PLXNA4: variants seen among roughly 807,000 people sequenced by gnomAD.
PLXNA4 encodes the protein plexin A4, also known as plexin-A4.
In PLXNA4, 44 loss-of-function variants were observed where a neutral mutation model predicts 191.8. That is an observed-to-expected ratio of 0.23 (90% CI 0.18 to 0.29). The LOEUF is 0.29. Among genes scored for constraint, PLXNA4 ranks in the 10% least tolerant of loss-of-function variants. PLXNA4 has a pLI of 1.00. For synonymous variants in PLXNA4, 1,082 were observed against 1,009.5 expected (o/e 1.07, Z -1.36); for missense variants, 1,800 against 2,488.8 (o/e 0.72, Z 5.89).
intron 1 of PLXNA4, among the ~76,000 whole-genome samples, chr7:132,564,742 T>A (rs757829207): frequency 5.9e-5 from 9 of 152,234 alleles, no homozygotes; most frequent in Non-Finnish European, 1.2e-4. Flanking sequence ...TATGCAAATA[T>A]ATGTGCATGG....
chr7:132,174,874 C>T lies in PLXNA4; in HGVS notation c.3921G>A (p.Leu1307=), dbSNP rs1225817656. The change falls in exon 21 of 32, where the codon CTG becomes CTA. Residue 1307 remains leucine (L), a synonymous_variant. Transcript: ENST00000321063. ...CCAGGAACGGAATCCCGGCTCCATC[C>T]AGGTCACTGGTCAGCTCATGGATGT... The part of the protein sequence containing the change: ...QTDIHELTSD[L]DGAGIPFLDY... 1 of 1,614,202 alleles carries T rather than the reference C, an allele frequency of 6.2e-7. No individual in the cohort carries two copies. The highest frequency in any genetic ancestry group is 1.7e-5 in the Admixed American group (1 of 60,026).
chr7:132,555,058 A>AAAAAAAAAAAACC (rs1310557370), intron 1 of PLXNA4, among the ~76,000 whole-genome samples: 1 of 146,254 alleles, frequency 6.8e-6, no homozygotes, highest in Non-Finnish European at 1.5e-5. Context: ...AAAAAAAAAC[A>AAAAAAAAAAAACC]AAAAAAAAAC....
chr7:132,563,817 T>TCTC (rs1336526975), intron 1 of PLXNA4, among the ~76,000 whole-genome samples: 1 of 28,418 alleles, frequency 3.5e-5, no homozygotes, highest in Non-Finnish European at 6.8e-5. Context: ...TCCTCCTCCT[T>TCTC]CTCCTCCTCC....
intron 1 of PLXNA4, among the ~76,000 whole-genome samples, chr7:132,525,631 G>A (rs1378455961): frequency 6.6e-6 from 1 of 152,184 alleles, no homozygotes; most frequent in African/African-American, 2.4e-5. Flanking sequence ...GGACACAGGT[G>A]AGAAAGGGAA....
intron 20 of PLXNA4, among the ~76,000 whole-genome samples, chr7:132,178,843 TATACACAC>T (rs1248589366): frequency 3.1e-4 from 13 of 42,536 alleles, no homozygotes; most frequent in Admixed American, 7.1e-4. Context: ...CATACACATA[TATACACAC>T]ACACACACAC....
rs535401958 is a variant in PLXNA4 at position 132,258,256 on chromosome 7, C to T, written c.1504-17090G>A. On this transcript the variant is annotated intron_variant, in intron 4 of 31. Transcript: ENST00000321063. ...AAATAGCTGCTGTGTCGACGAAAGG[C>T]GGCCGGGGGCTGAGCAAAGGGTGGC... Among the ~76,000 whole-genome samples the T allele has an allele frequency of 5.9e-5, 9 of 152,314 alleles. No individual in the cohort carries two copies. The South Asian group carries it at 8.3e-4, about 14-fold the overall frequency.
At chr7:132,512,223 T>C (rs1159052716) in intron 1 of PLXNA4, among the ~76,000 whole-genome samples, 1 of 152,242 alleles carries the variant, frequency 6.6e-6, no homozygotes. Context: ...ACAGTCTCTG[T>C]ATCACAACCT....
Position 132,556,306 on chromosome 7 carries a change from C to T in PLXNA4, c.-87+20116G>A, listed in dbSNP as rs191550051. On this transcript the variant is annotated intron_variant, in intron 1 of 31. Coordinates refer to ENST00000321063, the MANE Select transcript of PLXNA4 (RefSeq NM_020911.2). Reference sequence around the variant, plus strand: ...GTCCACCTGCAGGGTTGAGGTGACCCGCTATATCAGCAAACCTTGATACCC... The same window carrying T: ...GTCCACCTGCAGGGTTGAGGTGACCTGCTATATCAGCAAACCTTGATACCC... 4.7e-3 allele frequency among the ~76,000 whole-genome samples: 713 copies of T among 152,288 alleles called. 2 individuals are homozygous for T. Among genetic ancestry groups the T allele is most frequent in the Middle Eastern group, 0.027 (8 of 294 alleles).
At chr7:132,416,125 A>AT (rs1432931512) in intron 3 of PLXNA4, among the ~76,000 whole-genome samples, 13 of 152,196 alleles carry the variant, frequency 8.5e-5, no homozygotes, top group Non-Finnish European at 8.8e-5. Flanking sequence ...GAATATTGCC[A>AT]TTTTTACTGA....
chr7:132,271,337 T>G (rs1476667725), intron 4 of PLXNA4: 1 of 151,758 alleles, frequency 6.6e-6, no homozygotes, highest in Non-Finnish European at 1.5e-5. Flanking sequence ...TTCATCTGGA[T>G]GTCTAAAAAC....
chr7:132,609,299 G>A (rs751213171), intron 2 of PLXNA4, among the ~76,000 whole-genome samples: 9 of 152,062 alleles, frequency 5.9e-5, no homozygotes, highest in African/African-American at 1.7e-4. Flanking sequence ...AGTGGTCAGC[G>A]ACAAACTGTT....
intron 1 of PLXNA4, among the ~76,000 whole-genome samples, chr7:132,573,449 A>G (rs1266122180): frequency 1.3e-5 from 2 of 152,164 alleles, no homozygotes; most frequent in Non-Finnish European, 2.9e-5. Flanking sequence ...GATGATAACT[A>G]TGAATCAAGA....
chr7:132,130,662 C>T, intron 31 of PLXNA4, 88 bp from the exon 32 acceptor site: 1 of 1,587,188 alleles, frequency 6.3e-7, no homozygotes, highest in Non-Finnish European at 8.6e-7. Flanking sequence ...TGGATGTGGT[C>T]AGAAGCCCGG....
chr7:132,443,073 G>A (rs1795755095), intron 3 of PLXNA4, among the ~76,000 whole-genome samples: 1 of 152,202 alleles, frequency 6.6e-6, no homozygotes, highest in African/African-American at 2.4e-5. Context: ...TGAGATCATG[G>A]TACAGCCATG....
chr7:132,208,093 C>T (rs886654772), intron 10 of PLXNA4, among the ~76,000 whole-genome samples: 1 of 152,132 alleles, frequency 6.6e-6, no homozygotes, highest in African/African-American at 2.4e-5. Flanking sequence ...GGTGGGTTGC[C>T]CCGATCATGA....
chr7:132,155,226 A>T (rs1184692325), intron 25 of PLXNA4, among the ~76,000 whole-genome samples: 1 of 152,188 alleles, frequency 6.6e-6, no homozygotes, highest in Non-Finnish European at 1.5e-5. Flanking sequence ...TGGGTCGCAG[A>T]GGAGACTGCG....
intron 24 of PLXNA4, among the ~76,000 whole-genome samples, chr7:132,163,481 C>A (rs1301643101): frequency 6.6e-6 from 1 of 152,186 alleles, no homozygotes; most frequent in Non-Finnish European, 1.5e-5. Flanking sequence ...CCCCAATTCA[C>A]CCTGTTGGTC....
chr7:132,148,714 G>C, intron 25 of PLXNA4, 68 bp from the exon 26 acceptor site: 5 of 1,605,844 alleles, frequency 3.1e-6, no homozygotes, highest in South Asian at 1.1e-5. Context: ...TGAGGACCCT[G>C]TGTAGGTACC....
At chr7:132,437,526 C>T (rs1019856323) in intron 3 of PLXNA4, among the ~76,000 whole-genome samples, 6 of 146,544 alleles carry the variant, frequency 4.1e-5, no homozygotes, top group African/African-American at 1.0e-4. Flanking sequence ...ATGTGAAGCT[C>T]GGGATCACAA....
Sources: gnomAD v4.1 joint callset for allele counts (sites outside exome capture counted in the v4.1 genomes callset) on GRCh38, gnomAD v4.1.1 for gene constraint, MANE v1.5 for transcripts, NCBI Gene and HGNC (gene_info 2026-07-23, HGNC 2026-07-21) for gene names.